MTUS1: variants seen among roughly 807,000 people sequenced by gnomAD.
The protein encoded by MTUS1 is microtubule associated scaffold protein 1.
MTUS1 carries 109 observed loss-of-function variants against 120.8 expected under a neutral mutation model. The observed-to-expected ratio is 0.90, with a 90% CI of 0.77 to 1.06. The LOEUF is 1.06. MTUS1 is among the 50% of genes least tolerant of loss of function. The probability of loss-of-function intolerance (pLI) is 0.00; values close to 1 mark genes in which losing one functional copy is unlikely to be tolerated. For missense variants in MTUS1, 2,210 were observed against 1,486.3 expected (o/e 1.49, Z -8.01); for synonymous variants, 737 against 550.5 (o/e 1.34, Z -4.74).
At chr8:17,648,740 C>T (rs561607267) in intron 13 of MTUS1, among the ~76,000 whole-genome samples, 2 of 152,322 alleles carry the variant, frequency 1.3e-5, no homozygotes, top group South Asian at 4.1e-4. Flanking sequence ...AGAGAGGTCC[C>T]CCATGTCCCC....
At chr8:17,679,693 G>C (rs1016063146) in intron 7 of MTUS1, among the ~76,000 whole-genome samples, 23 of 152,086 alleles carry the variant, frequency 1.5e-4, no homozygotes, top group African/African-American at 5.5e-4. Flanking sequence ...GGTAGAGACA[G>C]GGTTTCGCCA....
rs1364458045 is a variant in MTUS1 at position 17,769,909 on chromosome 8, CACACACACACACACACACG to C, written c.-154-13967_-154-13949del. On this transcript the variant is annotated intron_variant, in intron 1 of 14. Coordinates refer to ENST00000693296, the MANE Select transcript of MTUS1 (RefSeq NM_001363059.2). ...ACACACACACACACACACACACACA[CACACACACACACACACACG>C]GGGGGGGTTGGGGGGGAAGCACTAC... is the stretch of plus-strand genomic sequence containing the variant. Among the ~76,000 whole-genome samples, 86 of 121,462 alleles carry C rather than the reference CACACACACACACACACACG, an allele frequency of 7.1e-4. 1 individual carries two copies. In the South Asian group the frequency reaches 0.018, roughly 25 times the overall value. The allele number at this position is 121,462 out of a possible 152,430, so 79.7% of individuals were successfully genotyped here.
chr8:17,723,686 G>C lies in MTUS1; in HGVS notation c.2435C>G (p.Thr812Ser), dbSNP rs1459748736. 6.2e-7 allele frequency: 1 copy of C among 1,610,416 alleles called. No homozygotes were observed. Reference sequence around the variant, plus strand: ...AGTCGACTTACAATTGTTGCTGTAAGTGCTCAGCTCACTGTGGGTGCTGGC... The same window carrying C: ...AGTCGACTTACAATTGTTGCTGTAACTGCTCAGCTCACTGTGGGTGCTGGC... ...SIASTHSELS[T>S]YSNNSGNAAV... Residue 812 changes from threonine to serine, a missense_variant, in exon 4 of 15, where the codon ACT becomes AGT. By Grantham distance (58) the Thr-to-Ser change is moderately conservative. Transcript: ENST00000693296.
intron 1 of MTUS1, 189 bp downstream of exon 1, chr8:17,800,872 C>G (rs404581): frequency 6.5e-6 from 1 of 153,042 alleles, no homozygotes; most frequent in African/African-American, 2.4e-5. Flanking sequence ...TCTGCGCTGG[C>G]CCACGTGAGA....
intron 1 of MTUS1, among the ~76,000 whole-genome samples, chr8:17,763,778 T>C (rs996791350): frequency 6.6e-6 from 1 of 152,208 alleles, no homozygotes; most frequent in Non-Finnish European, 1.5e-5. Context: ...AGATATTATG[T>C]TTCTATGTGT....
intron 2 of MTUS1, among the ~76,000 whole-genome samples, chr8:17,750,587 C>T (rs1006224923): frequency 1.3e-5 from 2 of 152,206 alleles, no homozygotes; most frequent in African/African-American, 2.4e-5. Flanking sequence ...TATTTACCAG[C>T]TGTGTGAGTT....
intron 1 of MTUS1, among the ~76,000 whole-genome samples, chr8:17,777,383 G>A (rs1563375653): frequency 6.6e-6 from 1 of 151,510 alleles, no homozygotes; most frequent in African/African-American, 2.4e-5. Context: ...AGGCTGCAGT[G>A]AGTTGAGATC....
intron 6 of MTUS1, among the ~76,000 whole-genome samples, chr8:17,710,883 T>C (rs1036796284): frequency 2.0e-5 from 3 of 152,208 alleles, no homozygotes; most frequent in Non-Finnish European, 4.4e-5. Context: ...TGTACTATAC[T>C]CTTGTACTAT....
At chr8:17,670,492 T>C (rs1811792003) in intron 8 of MTUS1, among the ~76,000 whole-genome samples, 1 of 152,164 alleles carries the variant, frequency 6.6e-6, no homozygotes, top group African/African-American at 2.4e-5. Context: ...TATGAGGCAA[T>C]GTGGAAAAGT....
chr8:17,673,828 T>A (rs1175648648), intron 8 of MTUS1, among the ~76,000 whole-genome samples: 1 of 152,122 alleles, frequency 6.6e-6, no homozygotes, highest in Non-Finnish European at 1.5e-5. Flanking sequence ...TTAAGAGTGT[T>A]CAAATCCAGC....
At chr8:17,673,849 G>A (rs1246882592) in intron 8 of MTUS1, among the ~76,000 whole-genome samples, 1 of 152,162 alleles carries the variant, frequency 6.6e-6, no homozygotes, top group African/African-American at 2.4e-5. Context: ...AAATCAGGTT[G>A]GCAGTGTGGT....
At chr8:17,699,453 GATCCACACACCTCGGCC>G (rs1818603773) in intron 6 of MTUS1, among the ~76,000 whole-genome samples, 1 of 152,134 alleles carries the variant, frequency 6.6e-6, no homozygotes, top group African/African-American at 2.4e-5. Context: ...GACCTCAGGT[GATCCACACACCTCGGCC>G]TCCCAAGTGC....
chr8:17,661,254 G>GT, intron 8 of MTUS1, among the ~76,000 whole-genome samples: 1 of 152,172 alleles, frequency 6.6e-6, no homozygotes, highest in Non-Finnish European at 1.5e-5. Flanking sequence ...GTTGGTGAAG[G>GT]TATCAAATAG....
At chr8:17,737,796 C>T (rs1446879097) in intron 3 of MTUS1, among the ~76,000 whole-genome samples, 2 of 152,128 alleles carry the variant, frequency 1.3e-5, no homozygotes, top group Non-Finnish European at 2.9e-5. Flanking sequence ...CTCAACTTGG[C>T]TTTTAGAATA....
At chr8:17,763,362 C>T (rs2049194831) in intron 1 of MTUS1, among the ~76,000 whole-genome samples, 1 of 152,162 alleles carries the variant, frequency 6.6e-6, no homozygotes. Flanking sequence ...GAATGCTGCT[C>T]TCAAGACAGC....
At chr8:17,752,080 G>A (rs980385697) in intron 2 of MTUS1, among the ~76,000 whole-genome samples, 2 of 151,972 alleles carry the variant, frequency 1.3e-5, no homozygotes, top group South Asian at 4.1e-4. Context: ...CCTTACCTCA[G>A]TACCACATCG....
At chr8:17,719,634 G>A (rs988295024) in intron 4 of MTUS1, among the ~76,000 whole-genome samples, 3 of 152,008 alleles carry the variant, frequency 2.0e-5, no homozygotes, top group African/African-American at 7.3e-5. Context: ...CAGACATCAC[G>A]ACTTGAACAC....
intron 5 of MTUS1, among the ~76,000 whole-genome samples, chr8:17,713,868 G>C (rs1356000471): frequency 6.6e-6 from 1 of 152,134 alleles, no homozygotes; most frequent in Non-Finnish European, 1.5e-5. Context: ...ATTTTACAGA[G>C]ATGATGATCT....
chr8:17,722,478 A>G (rs115039639), intron 4 of MTUS1: 2 of 985,240 alleles, frequency 2.0e-6, no homozygotes, highest in African/African-American at 3.5e-5. Flanking sequence ...CACACCTTCA[A>G]AATTCCAACA....
Sources: allele counts gnomAD v4.1 joint callset (sites outside exome capture counted in the v4.1 genomes callset), GRCh38; gene constraint gnomAD v4.1.1; transcripts MANE v1.5; gene names NCBI Gene and HGNC (gene_info 2026-07-23, HGNC 2026-07-21).